CFAP299: variants seen among roughly 807,000 people sequenced by gnomAD.
CFAP299 encodes the protein cilia and flagella associated protein 299, also known as cilia- and flagella-associated protein 299.
Under a neutral mutation model 27.0 loss-of-function variants are expected in CFAP299, and 21 were observed. The observed-to-expected ratio is 0.78, with a 90% confidence interval of 0.55 to 1.12. CFAP299 has a LOEUF of 1.12. Ranked by LOEUF, CFAP299 falls within the 50% of genes most tolerant of loss-of-function variation. The probability of loss-of-function intolerance (pLI) is 0.00; values close to 1 mark genes in which losing one functional copy is unlikely to be tolerated. For synonymous variants in CFAP299, 104 were observed against 98.1 expected (o/e 1.06, Z -0.36); for missense variants, 310 against 276.6 (o/e 1.12, Z -0.86).
chr4:80,705,169 A>G (rs1056631324), intron 3 of CFAP299, among the ~76,000 whole-genome samples: 7 of 151,790 alleles, frequency 4.6e-5, no homozygotes, highest in Non-Finnish European at 8.9e-5. Context: ...GCTGAAATAA[A>G]TTCACCCCCA....
chr4:80,831,357 C>A (rs1324083218), intron 3 of CFAP299, among the ~76,000 whole-genome samples: 1 of 152,128 alleles, frequency 6.6e-6, no homozygotes, highest in Admixed American at 6.6e-5. Flanking sequence ...AGCCTAGCTG[C>A]AAATCAGAAT....
chr4:80,847,330 G>A (rs894878618), intron 3 of CFAP299, among the ~76,000 whole-genome samples: 14 of 152,190 alleles, frequency 9.2e-5, no homozygotes, highest in African/African-American at 3.4e-4. Flanking sequence ...TAGACATACA[G>A]CTGTCTATGC....
intron 3 of CFAP299, among the ~76,000 whole-genome samples, chr4:80,693,427 C>A (rs1181140989): frequency 1.3e-5 from 2 of 151,364 alleles, no homozygotes; most frequent in African/African-American, 4.9e-5. Flanking sequence ...AATCATCATT[C>A]TCAGTAAACT....
rs1194784102 is a variant in CFAP299, at chr4:80,755,605, C to T, written c.334-114388C>T. ...AACTTGAGGGGGAGTAGAAATTCAA[C>T]ATAATCCAATTAATGGTAAATCCTA... On this transcript the variant is annotated intron_variant, in intron 3 of 5. Coordinates refer to ENST00000358105, the MANE Select transcript of CFAP299 (RefSeq NM_152770.3). 2.0e-5 allele frequency among the ~76,000 whole-genome samples: 3 copies of T among 152,044 alleles called. 1 individual carries two copies. The highest frequency in any genetic ancestry group is 4.4e-5 in the Non-Finnish European group (3 of 67,952).
chr4:80,692,196 T>C (rs1720757728), intron 3 of CFAP299, among the ~76,000 whole-genome samples: 1 of 152,184 alleles, frequency 6.6e-6, no homozygotes, highest in Non-Finnish European at 1.5e-5. Flanking sequence ...AAAAACTACC[T>C]TAAAGTTTAT....
At chr4:80,705,509 T>C (rs1228520240) in intron 3 of CFAP299, among the ~76,000 whole-genome samples, 1 of 151,858 alleles carries the variant, frequency 6.6e-6, no homozygotes. Context: ...AGAGAAACTT[T>C]AATCTTGTCG....
At chr4:80,862,574 T>C (rs1053820230) in intron 3 of CFAP299, among the ~76,000 whole-genome samples, 2 of 152,100 alleles carry the variant, frequency 1.3e-5, no homozygotes, top group Non-Finnish European at 2.9e-5. Context: ...ATTATCCACT[T>C]TGTCCTTTGT....
intron 3 of CFAP299, among the ~76,000 whole-genome samples, chr4:80,601,346 A>G (rs1433391736): frequency 6.6e-6 from 1 of 152,156 alleles, no homozygotes; most frequent in Non-Finnish European, 1.5e-5. Context: ...TTTTCATGTG[A>G]TAAATTTTCC....
At chr4:80,543,916 A>G (rs890532713) in intron 2 of CFAP299, among the ~76,000 whole-genome samples, 2 of 117,764 alleles carry the variant, frequency 1.7e-5, no homozygotes, top group Non-Finnish European at 3.6e-5. Context: ...AGTGGAAAAG[A>G]AAAAAAATCT....
At chr4:80,403,855 G>A (rs1205601851) in intron 2 of CFAP299, among the ~76,000 whole-genome samples, 1 of 152,010 alleles carries the variant, frequency 6.6e-6, no homozygotes, top group Non-Finnish European at 1.5e-5. Flanking sequence ...TAAATATTAG[G>A]TTGTCAACTA....
intron 3 of CFAP299, among the ~76,000 whole-genome samples, chr4:80,830,976 A>G (rs1036208860): frequency 6.6e-6 from 1 of 152,152 alleles, no homozygotes; most frequent in Non-Finnish European, 1.5e-5. Flanking sequence ...CAAGATATTT[A>G]CTATTTTAGA....
chr4:80,415,500 G>T (rs1726953221), intron 2 of CFAP299, among the ~76,000 whole-genome samples: 1 of 151,868 alleles, frequency 6.6e-6, no homozygotes, highest in Non-Finnish European at 1.5e-5. Context: ...TTTTTAATCT[G>T]GTTGCTAAAA....
intron 4 of CFAP299, among the ~76,000 whole-genome samples, chr4:80,877,412 C>T (rs1733448151): frequency 6.6e-6 from 1 of 152,154 alleles, no homozygotes; most frequent in Admixed American, 6.6e-5. Context: ...ACTAGAGTAT[C>T]TGTCTGTGTC....
intron 3 of CFAP299, among the ~76,000 whole-genome samples, chr4:80,848,767 C>A (rs1221506047): frequency 6.6e-6 from 1 of 151,998 alleles, no homozygotes; most frequent in Non-Finnish European, 1.5e-5. Flanking sequence ...CAGAGCAATA[C>A]CCTGTCTCAA....
intron 1 of CFAP299, among the ~76,000 whole-genome samples, chr4:80,343,795 C>T (rs1191481291): frequency 2.1e-4 from 12 of 58,318 alleles, no homozygotes; most frequent in African/African-American, 2.8e-4. Context: ...AGCGAGACTC[C>T]GTCTAAAAAA....
chr4:80,553,616 T>A (rs1269079461), intron 2 of CFAP299, among the ~76,000 whole-genome samples: 1 of 152,206 alleles, frequency 6.6e-6, no homozygotes, highest in Admixed American at 6.5e-5. Context: ...TAATTTGCAC[T>A]GCCACCAACA....
chr4:80,532,410 A>C (rs1221921769), intron 2 of CFAP299, among the ~76,000 whole-genome samples: 1 of 152,172 alleles, frequency 6.6e-6, no homozygotes, highest in Non-Finnish European at 1.5e-5. Flanking sequence ...TTTTAAAAAA[A>C]TTTCTTTGCA....
intron 4 of CFAP299, among the ~76,000 whole-genome samples, chr4:80,921,672 C>T (rs570525117): frequency 6.6e-5 from 10 of 151,924 alleles, no homozygotes; most frequent in Non-Finnish European, 1.2e-4. Flanking sequence ...AAATTTGTCC[C>T]GGGAGATAAT....
intron 3 of CFAP299, among the ~76,000 whole-genome samples, chr4:80,719,304 A>C (rs1722682591): frequency 6.6e-6 from 1 of 152,188 alleles, no homozygotes. Context: ...ATTTAAAATA[A>C]ACCTAAAAAA....
Sources: gnomAD v4.1 joint callset for allele counts (sites outside exome capture counted in the v4.1 genomes callset) on GRCh38, gnomAD v4.1.1 for gene constraint, MANE v1.5 for transcripts, NCBI Gene and HGNC (gene_info 2026-07-23, HGNC 2026-07-21) for gene names.